The following ASH1L variants were observed in gnomAD, a reference collection of about 807,000 sequenced individuals.
The protein encoded by ASH1L is histone-lysine N-methyltransferase ASH1L.
ASH1L carries 23 observed loss-of-function variants against 269.0 expected under a neutral mutation model. The observed-to-expected ratio is 0.09, with a 90% CI of 0.06 to 0.12. The LOEUF (loss-of-function observed/expected upper bound fraction) is 0.12, where lower values mean the gene tolerates loss of function less well. Ranked by LOEUF, ASH1L falls within the 10% of genes least tolerant of loss-of-function variation. The pLI, the probability that ASH1L is intolerant of heterozygous loss-of-function variation, is 1.00. For missense variants in ASH1L, 2,912 were observed against 3,567.8 expected (o/e 0.82, Z 4.68); for synonymous variants, 1,187 against 1,253.5 (o/e 0.95, Z 1.12).
intron 6 of ASH1L, among the ~76,000 whole-genome samples, chr1:155,406,935 AGAC>A (rs1404603460): frequency 3.3e-5 from 5 of 152,178 alleles, no homozygotes; most frequent in Admixed American, 6.6e-5. Flanking sequence ...ACACATGAAA[AGAC>A]AGTTAAAAGA....
intron 4 of ASH1L, among the ~76,000 whole-genome samples, chr1:155,448,663 T>G (rs148993421): frequency 0.01 from 1,571 of 152,068 alleles, 30 homozygotes; most frequent in African/African-American, 0.036. Context: ...CCCAGCTAAT[T>G]TTTGTATTTT....
At chr1:155,552,754 G>T (rs1385023011) in intron 1 of ASH1L, among the ~76,000 whole-genome samples, 3 of 152,106 alleles carry the variant, frequency 2.0e-5, no homozygotes, top group Admixed American at 2.0e-4. Context: ...ATTGAAAATG[G>T]AAAAAATATG....
At chr1:155,527,761 G>C (rs1453520913) in intron 1 of ASH1L, among the ~76,000 whole-genome samples, 1 of 151,970 alleles carries the variant, frequency 6.6e-6, no homozygotes, top group Non-Finnish European at 1.5e-5. Context: ...GCCCAGGCTA[G>C]TCTTCAAGTC....
intron 2 of ASH1L, among the ~76,000 whole-genome samples, chr1:155,495,075 A>G (rs527731872): frequency 3.9e-4 from 59 of 152,338 alleles, no homozygotes; most frequent in African/African-American, 1.3e-3. Flanking sequence ...AGTCACTGGT[A>G]ATCATGCAAC....
chr1:155,420,758 G>A (rs1026781668), intron 5 of ASH1L, among the ~76,000 whole-genome samples: 1 of 151,396 alleles, frequency 6.6e-6, no homozygotes, highest in Non-Finnish European at 1.5e-5. Flanking sequence ...GCTGAGGCAG[G>A]AGAATCACTT....
chr1:155,529,749 T>G (rs1669527827), intron 1 of ASH1L, among the ~76,000 whole-genome samples: 1 of 152,128 alleles, frequency 6.6e-6, no homozygotes, highest in Non-Finnish European at 1.5e-5. Context: ...GTAGGCTTCC[T>G]ATCTCCCTCA....
At chr1:155,558,328 G>T (rs569664895) in intron 1 of ASH1L, among the ~76,000 whole-genome samples, 1 of 151,978 alleles carries the variant, frequency 6.6e-6, no homozygotes, top group Non-Finnish European at 1.5e-5. Context: ...AAAAATAGCC[G>T]GGCGTGGTGG....
At chr1:155,445,349 A>T (rs1207014972) in intron 4 of ASH1L, among the ~76,000 whole-genome samples, 1 of 151,936 alleles carries the variant, frequency 6.6e-6, no homozygotes, top group Non-Finnish European at 1.5e-5. Context: ...ATGCCCAGCT[A>T]ATGTTTTGTA....
At chr1:155,418,324 A>G (rs1404910280) in intron 5 of ASH1L, among the ~76,000 whole-genome samples, 4 of 152,180 alleles carry the variant, frequency 2.6e-5, no homozygotes, top group Non-Finnish European at 5.9e-5. Context: ...TAACAACAAC[A>G]ACAAAAGGAA....
At chr1:155,541,617 G>A (rs1670435599) in intron 1 of ASH1L, among the ~76,000 whole-genome samples, 1 of 152,036 alleles carries the variant, frequency 6.6e-6, no homozygotes, top group Non-Finnish European at 1.5e-5. Flanking sequence ...TCACTGAAAA[G>A]ATGACAATCA....
intron 2 of ASH1L, among the ~76,000 whole-genome samples, chr1:155,492,959 G>A (rs980733274): frequency 6.6e-6 from 1 of 151,966 alleles, no homozygotes; most frequent in African/African-American, 2.4e-5. Context: ...AAGTAGCTGG[G>A]ATCACAGGAA....
chr1:155,379,965 G>C (rs1454609379), intron 8 of ASH1L, 78 bp downstream of exon 8: 1 of 1,032,798 alleles, frequency 9.7e-7, no homozygotes, highest in Non-Finnish European at 1.5e-6. Context: ...ATAACAAGGG[G>C]AGAGAAAAAC....
rs571898394 is a variant in ASH1L at position 155,343,015 on chromosome 1, CTT to C, written c.8293+297_8293+298del. 8.1e-3 allele frequency: 1,537 copies of C among 190,042 alleles called. No homozygotes were observed. Among genetic ancestry groups the C allele is most frequent in the South Asian group, 0.015 (108 of 7,308 alleles). 11.8% of individuals were successfully genotyped at this position (190,042 alleles called of 1,614,324 possible). The stretch of plus-strand genomic sequence containing the variant: ...ACAGGAGACATGAGGTCATTGAAGT[CTT>C]TTTTTTTTTTTTGAGGCAGGGTTTC... On this transcript the variant is annotated intron_variant, in intron 24 of 27. Coordinates refer to ENST00000392403, the MANE Select transcript of ASH1L (RefSeq NM_018489.3). This position sits in a 1 kb window ranked among gnomAD's most constrained non-coding sequence, Gnocchi z 6.1.
chr1:155,401,740 A>G (rs978463532), intron 6 of ASH1L, among the ~76,000 whole-genome samples: 5 of 151,662 alleles, frequency 3.3e-5, no homozygotes, highest in African/African-American at 1.2e-4. Flanking sequence ...GAAAGCCAAG[A>G]TCGTGCTATT....
intron 2 of ASH1L, among the ~76,000 whole-genome samples, chr1:155,516,638 T>A (rs1268113000): frequency 2.0e-5 from 3 of 151,226 alleles, no homozygotes; most frequent in Non-Finnish European, 4.4e-5. Context: ...ACAAAAATAA[T>A]TTTTTTTTAT....
chr1:155,545,120 C>T (rs1262570503), intron 1 of ASH1L, among the ~76,000 whole-genome samples: 5 of 123,762 alleles, frequency 4.0e-5, no homozygotes, highest in Admixed American at 1.2e-4. Context: ...TGCGGTGAGC[C>T]GAGATCGCGC....
At chr1:155,421,817 T>A (rs1660710340) in intron 5 of ASH1L, among the ~76,000 whole-genome samples, 1 of 152,112 alleles carries the variant, frequency 6.6e-6, no homozygotes, top group South Asian at 2.1e-4. Context: ...CACATATGAC[T>A]AATTTTTTTT....
At chr1:155,496,160 ATTAT>A (rs1667141339) in intron 2 of ASH1L, among the ~76,000 whole-genome samples, 1 of 152,298 alleles carries the variant, frequency 6.6e-6, no homozygotes, top group African/African-American at 2.4e-5. Flanking sequence ...TATCTTTACA[ATTAT>A]TTATTTAAAA....
intron 4 of ASH1L, among the ~76,000 whole-genome samples, chr1:155,449,134 C>T (rs1663264264): frequency 6.6e-6 from 1 of 152,050 alleles, no homozygotes. Flanking sequence ...TAGGGTTTCA[C>T]CATGTTGGCC....
Sources: allele counts gnomAD v4.1 joint callset (sites outside exome capture counted in the v4.1 genomes callset), GRCh38; gene constraint gnomAD v4.1.1; non-coding constraint Gnocchi (gnomAD v3.1); transcripts MANE v1.5; gene names NCBI Gene and HGNC (gene_info 2026-07-23, HGNC 2026-07-21).